The following ALKBH5 variants were observed in gnomAD, a reference collection of about 807,000 sequenced individuals.
ALKBH5 encodes alkB homolog 5, RNA demethylase.
ALKBH5 carries 2 observed loss-of-function variants against 32.1 expected under a neutral mutation model. The ratio of observed to expected loss-of-function variants is 0.06; its 90% confidence interval spans 0.03 to 0.20. ALKBH5 has a LOEUF of 0.20. Among genes scored for constraint, ALKBH5 ranks in the 10% least tolerant of loss-of-function variants. The pLI is 1.00. For missense variants in ALKBH5, 352 were observed against 559.5 expected, an observed-to-expected ratio of 0.63 and a Z score of 3.74; for synonymous variants, 300 against 231.7, an observed-to-expected ratio of 1.29 and a Z score of -2.68.
intron 1 of ALKBH5, among the ~76,000 whole-genome samples, chr17:18,193,641 C>G (rs754665314): frequency 6.6e-6 from 1 of 152,202 alleles, no homozygotes; most frequent in South Asian, 2.1e-4. Flanking sequence ...TAAGGCTGAG[C>G]CTGAAGCAGT....
intron 1 of ALKBH5, among the ~76,000 whole-genome samples, chr17:18,192,536 CT>C (rs2047182239): frequency 6.6e-6 from 1 of 152,132 alleles, no homozygotes; most frequent in African/African-American, 2.4e-5. Context: ...TACTGTTCTC[CT>C]TATTACAGAT....
chr17:18,193,249 T>C (rs375108038), intron 1 of ALKBH5, among the ~76,000 whole-genome samples: 4 of 148,690 alleles, frequency 2.7e-5, no homozygotes, highest in African/African-American at 9.9e-5. Context: ...AAGGTGGATC[T>C]ATAAAATAAA....
rs773087086 is a variant in ALKBH5, at chr17:18,184,405, C to T, written c.162C>T (p.Ser54=). 11 of 1,569,146 alleles carry T rather than the reference C, an allele frequency of 7.0e-6. 1 individual carries two copies. The highest frequency in any genetic ancestry group is 4.6e-5 in the South Asian group (4 of 87,050). The change falls in exon 1 of 4, where the codon TCC becomes TCT. Residue 54 remains serine, a synonymous_variant. Transcript: ENST00000399138. The part of the protein sequence containing the change: ...AAAAAEPYPV[S]GAKRKYQEDS... ...CTGCCGCCGAACCTTACCCTGTGTC[C>T]GGGGCCAAGCGCAAGTATCAGGAGG...
At chr17:18,193,245 G>A (rs200775511) in intron 1 of ALKBH5, among the ~76,000 whole-genome samples, 80 of 151,966 alleles carry the variant, frequency 5.3e-4, no homozygotes, top group African/African-American at 1.8e-3. Context: ...GGAGAAGGTG[G>A]ATCTATAAAA....
chr17:18,197,693 C>T (rs1327985228), intron 2 of ALKBH5, among the ~76,000 whole-genome samples: 2 of 152,186 alleles, frequency 1.3e-5, no homozygotes, highest in African/African-American at 2.4e-5. Context: ...GAGTCTGCAC[C>T]GTTAATCAGC....
intron 3 of ALKBH5, among the ~76,000 whole-genome samples, chr17:18,207,494 C>T (rs2047275826): frequency 1.3e-5 from 2 of 152,008 alleles, no homozygotes; most frequent in Admixed American, 1.3e-4. Context: ...AACCCCGTCT[C>T]TACTAAAAAA....
intron 2 of ALKBH5, among the ~76,000 whole-genome samples, chr17:18,199,972 C>G (rs1360661756): frequency 6.6e-6 from 1 of 151,756 alleles, no homozygotes; most frequent in Non-Finnish European, 1.5e-5. Context: ...TGGCAGGTGT[C>G]TGTGATCCCA....
chr17:18,186,275 T>C (rs919884521), intron 1 of ALKBH5, among the ~76,000 whole-genome samples: 7 of 152,174 alleles, frequency 4.6e-5, no homozygotes, highest in African/African-American at 1.4e-4. Context: ...CTTCTTATAA[T>C]GGGCTTCTGA....
chr17:18,195,405 G>T (rs1597838743), intron 2 of ALKBH5, among the ~76,000 whole-genome samples: 2 of 152,258 alleles, frequency 1.3e-5, no homozygotes, highest in South Asian at 4.1e-4. Context: ...TTTAGACTGT[G>T]CCTTTAGCAG....
intron 1 of ALKBH5, 42 bp from the exon 2 acceptor site, chr17:18,194,913 C>T: frequency 6.3e-7 from 1 of 1,594,496 alleles, no homozygotes. Context: ...CTTTGGTTGT[C>T]TGTCTACTCT....
chr17:18,190,218 C>T (rs1441565454), intron 1 of ALKBH5, among the ~76,000 whole-genome samples: 1 of 152,176 alleles, frequency 6.6e-6, no homozygotes, highest in African/African-American at 2.4e-5. Flanking sequence ...AGACCGTCCC[C>T]TAGAGGAGAG....
intron 1 of ALKBH5, among the ~76,000 whole-genome samples, chr17:18,191,476 G>T (rs1225748175): frequency 6.6e-6 from 1 of 152,176 alleles, no homozygotes; most frequent in Non-Finnish European, 1.5e-5. Context: ...TGGGGGATGG[G>T]GTCAGGGAGC....
chr17:18,207,526 G>C (rs2047276109), intron 3 of ALKBH5, among the ~76,000 whole-genome samples: 1 of 152,092 alleles, frequency 6.6e-6, no homozygotes, highest in East Asian at 1.9e-4. Flanking sequence ...AGCCAGGCGT[G>C]GTGGCAGGTA....
At chr17:18,206,683 G>A (rs2047270523) in intron 2 of ALKBH5, 132 bp from the exon 3 acceptor site, 4 of 932,514 alleles carry the variant, frequency 4.3e-6, no homozygotes, top group Non-Finnish European at 6.6e-6. Flanking sequence ...CAAGGAGAGT[G>A]AGGTACAGAG....
In ALKBH5 at chr17:18,206,974, C is replaced by T; in HGVS notation, c.1007+4C>T. 6.2e-7 allele frequency: 1 copy of T among 1,614,008 alleles called. No individual in the cohort carries two copies. The highest frequency in any genetic ancestry group is 1.1e-5 in the South Asian group (1 of 91,078). ...CAGACCCTGATGCTGCCCACAGGTACTCAGTTTAGGACCCTCAGCAAAGGC... is the reference window on the plus strand; with the variant it reads ...CAGACCCTGATGCTGCCCACAGGTATTCAGTTTAGGACCCTCAGCAAAGGC... On this transcript the variant is annotated splice_donor_region_variant and intron_variant, in intron 3 of 3. Coordinates refer to ENST00000399138, the MANE Select transcript of ALKBH5 (RefSeq NM_017758.4).
At chr17:18,191,946 C>CT (rs2047177453) in intron 1 of ALKBH5, among the ~76,000 whole-genome samples, 2 of 99,410 alleles carry the variant, frequency 2.0e-5, no homozygotes, top group African/African-American at 4.3e-5. Context: ...GAGACTCTGT[C>CT]TTTAAAAAAA....
At chr17:18,206,099 C>T (rs1169011903) in intron 2 of ALKBH5, among the ~76,000 whole-genome samples, 1 of 152,154 alleles carries the variant, frequency 6.6e-6, no homozygotes, top group East Asian at 1.9e-4. Context: ...GTTACCGCTA[C>T]CCAGCTTCTC....
At chr17:18,200,086 G>A (rs1288197392) in intron 2 of ALKBH5, among the ~76,000 whole-genome samples, 7 of 140,222 alleles carry the variant, frequency 5.0e-5, no homozygotes, top group African/African-American at 1.6e-4. Context: ...GACAGAGCGA[G>A]ACTCCATCTC....
rs892069868 is a variant in ALKBH5 at position 18,184,147 on chromosome 17, C to T, written c.-97C>T. 3.0e-5 allele frequency: 33 copies of T among 1,116,790 alleles called. No individual in the cohort carries two copies. Among genetic ancestry groups the T allele is most frequent in the African/African-American group, 1.3e-4 (8 of 60,654 alleles). The allele number at this position is 1,116,790 out of a possible 1,614,324, so 69.2% of individuals were successfully genotyped here. On this transcript the variant is annotated 5_prime_UTR_variant, in exon 1 of 4. Transcript: ENST00000399138. ...ACGCATGGGGGTTCGGCGCTAAGGA[C>T]CCCCCTCCCTCCGGGGGCCCCGGGG... is the stretch of plus-strand genomic sequence containing the variant.
Sources: allele counts gnomAD v4.1 joint callset (sites outside exome capture counted in the v4.1 genomes callset), GRCh38; gene constraint gnomAD v4.1.1; transcripts MANE v1.5; gene names NCBI Gene and HGNC (gene_info 2026-07-23, HGNC 2026-07-21).